The following SLC9A8 variants were observed in gnomAD, a reference collection of about 807,000 sequenced individuals.
SLC9A8 encodes the protein sodium/hydrogen exchanger 8.
SLC9A8 carries 48 observed loss-of-function variants against 66.6 expected under a neutral mutation model. The observed-to-expected ratio is 0.72, with a 90% confidence interval of 0.57 to 0.92. The LOEUF (loss-of-function observed/expected upper bound fraction) is 0.92, where lower values mean the gene tolerates loss of function less well. SLC9A8 is among the 40% of genes least tolerant of loss of function. The pLI, the probability that SLC9A8 is intolerant of heterozygous loss-of-function variation, is 0.00. For synonymous variants in SLC9A8, 274 were observed against 282.6 expected, an observed-to-expected ratio of 0.97 and a Z score of 0.31; for missense variants, 599 against 747.3, an observed-to-expected ratio of 0.80 and a Z score of 2.31.
rs975312157 is a variant in SLC9A8 at position 49,888,147 on chromosome 20, A to G, written c.*211A>G. The G allele has an allele frequency of 3.7e-5, 18 of 485,976 alleles. No individual in the cohort carries two copies. The highest frequency in any genetic ancestry group is 1.1e-5 in the Non-Finnish European group (3 of 266,392). The allele number at this position is 485,976 out of a possible 1,614,324, so 30.1% of individuals were successfully genotyped here. On this transcript the variant is annotated 3_prime_UTR_variant, in exon 16 of 16. Transcript: ENST00000361573. ...CTTCTTGGGAAACTGTCATCTCCCG[A>G]CTCCTCCCTGAGCCAGCCTCCGCTC...
intron 4 of SLC9A8, among the ~76,000 whole-genome samples, chr20:49,841,189 C>G (rs2087744386): frequency 6.6e-6 from 1 of 151,860 alleles, no homozygotes; most frequent in Admixed American, 6.6e-5. Flanking sequence ...ACCTGTAGTC[C>G]CAGCTACTTG....
At chr20:49,819,571 T>G (rs748227017) in intron 2 of SLC9A8, among the ~76,000 whole-genome samples, 51 of 152,200 alleles carry the variant, frequency 3.4e-4, no homozygotes, top group Non-Finnish European at 6.9e-4. Flanking sequence ...CATTTACAAT[T>G]TTAACCACTT....
intron 7 of SLC9A8, among the ~76,000 whole-genome samples, chr20:49,855,098 A>G (rs772153474): frequency 2.0e-5 from 3 of 152,202 alleles, no homozygotes; most frequent in Non-Finnish European, 2.9e-5. Context: ...GCAGGAGCTC[A>G]TGGGCCATTT....
intron 10 of SLC9A8, among the ~76,000 whole-genome samples, chr20:49,865,517 GC>G (rs1042409284): frequency 4.6e-5 from 7 of 152,130 alleles, no homozygotes; most frequent in African/African-American, 1.7e-4. Context: ...GACAGTGGAG[GC>G]CCAGAGCCTT....
At chr20:49,814,360 G>A (rs757660652) in intron 1 of SLC9A8, among the ~76,000 whole-genome samples, 1 of 152,146 alleles carries the variant, frequency 6.6e-6, no homozygotes, top group Non-Finnish European at 1.5e-5. Context: ...CTGGAATAAA[G>A]CAGTGCTCAG....
In SLC9A8 at chr20:49,864,742, C is replaced by T. The variant is rs752174664; in HGVS notation, c.856C>T (p.Leu286=). The change falls in exon 10 of 16, where the codon CTG becomes TTG. Residue 286 remains leucine, a synonymous_variant. Coordinates refer to ENST00000361573, the MANE Select transcript of SLC9A8 (RefSeq NM_015266.3). ...TTCCTTGACAGTTGTCATTTACGTG[C>T]TGAAGCATATTGACTTGAGGAAAAC... The part of the protein sequence containing the change: ...TLTGLISALV[L]KHIDLRKTPS... The T allele has an allele frequency of 6.2e-7, 1 of 1,612,870 alleles. No homozygotes were observed. Among genetic ancestry groups the T allele is most frequent in the African/African-American group, 1.3e-5 (1 of 75,026 alleles).
intron 13 of SLC9A8, among the ~76,000 whole-genome samples, chr20:49,882,733 T>C (rs1017675702): frequency 1.3e-5 from 2 of 152,212 alleles, no homozygotes; most frequent in African/African-American, 2.4e-5. Flanking sequence ...GTGGCCTGGC[T>C]AGCCGGTACT....
intron 3 of SLC9A8, 135 bp downstream of exon 3, chr20:49,823,276 T>G (rs1311036593): frequency 4.1e-6 from 3 of 738,738 alleles, no homozygotes; most frequent in African/African-American, 3.5e-5. Context: ...CAACCTGCCC[T>G]AAGGGTGCTA....
intron 3 of SLC9A8, among the ~76,000 whole-genome samples, chr20:49,835,551 A>G (rs373570771): frequency 6.6e-6 from 1 of 151,904 alleles, no homozygotes; most frequent in African/African-American, 2.4e-5. Context: ...GAAACCACCA[A>G]TCTACTTTCT....
chr20:49,860,707 C>T (rs969157481), intron 8 of SLC9A8, among the ~76,000 whole-genome samples: 2 of 151,952 alleles, frequency 1.3e-5, no homozygotes, highest in Non-Finnish European at 2.9e-5. Context: ...AGCAACAGAG[C>T]GAGACTCCAT....
intron 9 of SLC9A8, 114 bp from the exon 10 acceptor site, chr20:49,864,625 T>G: frequency 1.4e-6 from 1 of 712,308 alleles, no homozygotes; most frequent in South Asian, 1.7e-5. Context: ...TGGGACATTC[T>G]AAAATCTATA....
intron 10 of SLC9A8, among the ~76,000 whole-genome samples, chr20:49,873,725 C>T (rs1307003284): frequency 1.4e-5 from 2 of 138,012 alleles, no homozygotes; most frequent in African/African-American, 5.5e-5. Context: ...GAGTCGATTT[C>T]ACGCTATTGC....
intron 1 of SLC9A8, among the ~76,000 whole-genome samples, chr20:49,814,466 C>A (rs566253516): frequency 6.6e-6 from 1 of 152,068 alleles, no homozygotes; most frequent in South Asian, 2.1e-4. Context: ...TGGGAACATA[C>A]GCAGTGGAGT....
At chr20:49,816,830 G>A (rs1477166759) in intron 2 of SLC9A8, among the ~76,000 whole-genome samples, 1 of 151,902 alleles carries the variant, frequency 6.6e-6, no homozygotes, top group East Asian at 2.0e-4. Context: ...CCGGGTTCAC[G>A]CCGTTCTCCT....
intron 14 of SLC9A8, among the ~76,000 whole-genome samples, chr20:49,884,336 A>AC (rs57249630): frequency 1.9e-4 from 21 of 108,524 alleles, no homozygotes; most frequent in Admixed American, 1.5e-3. Flanking sequence ...ACACACACAC[A>AC]CCCCCCGGTC....
In SLC9A8 at chr20:49,829,394, G is replaced by A. The variant is rs977627601; in HGVS notation, c.289+6253G>A. 9.9e-5 allele frequency among the ~76,000 whole-genome samples: 15 copies of A among 151,936 alleles called. 1 individual carries two copies. The South Asian group carries it at 1.3e-3, about 13-fold the overall frequency. On this transcript the variant is annotated intron_variant, in intron 3 of 15. Transcript: ENST00000361573. ...AAAAAAATTAGCCAGGCGTGGTGGC[G>A]GGCGTCTAGTCCTAGCTCCTCAGGA...
chr20:49,887,050 C>T (rs994208928), intron 15 of SLC9A8, 152 bp downstream of exon 15: 22 of 789,104 alleles, frequency 2.8e-5, no homozygotes, highest in African/African-American at 8.7e-5. Flanking sequence ...GGAGGCTGGA[C>T]GTGCTTGTGG....
intron 10 of SLC9A8, among the ~76,000 whole-genome samples, chr20:49,869,831 CAA>C (rs3091941): frequency 2.0e-5 from 3 of 148,862 alleles, no homozygotes. Flanking sequence ...GACTCCATCT[CAA>C]AAAAAAAAAT....
In SLC9A8 at chr20:49,872,296, AAGAGGG is replaced by A. The variant is rs541598780; in HGVS notation, c.959-2408_959-2403del. 1.4e-3 allele frequency among the ~76,000 whole-genome samples: 210 copies of A among 152,234 alleles called. 1 individual carries two copies. Among genetic ancestry groups the A allele is most frequent in the Middle Eastern group, 6.8e-3 (2 of 294 alleles). ...AGAGCAAAGGCATTTGCTGTTTCCT[AAGAGGG>A]TTAGGAGATCAAATGTCCAGCTCCT... On this transcript the variant is annotated intron_variant, in intron 10 of 15. Coordinates refer to ENST00000361573, the MANE Select transcript of SLC9A8 (RefSeq NM_015266.3).
Sources: allele counts gnomAD v4.1 joint callset (sites outside exome capture counted in the v4.1 genomes callset), GRCh38; gene constraint gnomAD v4.1.1; transcripts MANE v1.5; gene names NCBI Gene and HGNC (gene_info 2026-07-23, HGNC 2026-07-21).